The following DST variants were observed in gnomAD, a reference collection of about 807,000 sequenced individuals.
DST encodes the protein dystonin.
Under a neutral mutation model 875.2 loss-of-function variants are expected in DST, and 253 were observed. The observed-to-expected ratio is 0.29, with a 90% CI of 0.26 to 0.32. The LOEUF (loss-of-function observed/expected upper bound fraction) is 0.32. DST is among the 10% of genes least tolerant of loss of function. The probability of loss-of-function intolerance (pLI) is 1.00; values close to 1 mark genes in which losing one functional copy is unlikely to be tolerated. For missense variants in DST, 8,287 were observed against 9,111.6 expected (o/e 0.91, Z 3.68); for synonymous variants, 3,124 against 3,197.1 (o/e 0.98, Z 0.77).
intron 5 of DST, among the ~76,000 whole-genome samples, chr6:56,721,419 A>G (rs552568143): frequency 6.6e-6 from 1 of 152,250 alleles, no homozygotes; most frequent in Non-Finnish European, 1.5e-5. Flanking sequence ...TGGGGAAGTG[A>G]TAAGTGTCCA....
chr6:56,828,830 A>T (rs979571297), intron 4 of DST, among the ~76,000 whole-genome samples: 1 of 152,154 alleles, frequency 6.6e-6, no homozygotes, highest in African/African-American at 2.4e-5. Flanking sequence ...ACTACCCAAG[A>T]GTAGTTCTAT....
rs908085741 is a variant in DST, at chr6:56,804,199, G to A, written c.625+47198C>T. On this transcript the variant is annotated intron_variant, in intron 4 of 103. Transcript: ENST00000680361. ...CTCCAACCACAATTAGATTTTTACC[G>A]TAAGGATTGAATGCATGGTAATCAG... is the stretch of plus-strand genomic sequence containing the variant. Among the ~76,000 whole-genome samples the A allele has an allele frequency of 3.9e-4, 59 of 152,094 alleles. 1 individual carries two copies. Among genetic ancestry groups the A allele is most frequent in the Non-Finnish European group, 2.9e-5 (2 of 68,016 alleles).
rs900075798 is a variant in DST at position 56,593,969 on chromosome 6, A to G, written c.12420T>C (p.Asp4140=). The change falls in exon 48 of 104, where the codon GAT becomes GAC. Residue 4140 remains aspartate, a synonymous_variant. Transcript: ENST00000680361. ...AGTGCTCAAACTCGGTATAGTCAGC[A>G]TCAAACTTTTCTAATTCTTCCTGCA... ...HSLQEELEKF[D]ADYTEFEHWL... is the part of the protein sequence containing the mutation. 5.0e-6 allele frequency: 8 copies of G among 1,613,832 alleles called. No homozygotes were observed. Among genetic ancestry groups the G allele is most frequent in the Non-Finnish European group, 6.8e-6 (8 of 1,179,888 alleles).
intron 80 of DST, among the ~76,000 whole-genome samples, chr6:56,499,868 T>C (rs931836251): frequency 2.0e-5 from 3 of 152,148 alleles, no homozygotes; most frequent in African/African-American, 7.2e-5. Flanking sequence ...ACATATTTTG[T>C]TGCTAGGCAG....
chr6:56,580,849 G>A (rs1271067505), intron 49 of DST, among the ~76,000 whole-genome samples: 1 of 147,806 alleles, frequency 6.8e-6, no homozygotes, highest in Non-Finnish European at 1.5e-5. Context: ...CCTCCCACCT[G>A]AGCCTCCCAA....
chr6:56,744,762 T>C (rs906064937), intron 4 of DST, among the ~76,000 whole-genome samples: 1 of 152,154 alleles, frequency 6.6e-6, no homozygotes, highest in African/African-American at 2.4e-5. Context: ...CTCACTTGCC[T>C]ACCTGATTTG....
chr6:56,627,655 T>C (rs556180200), intron 33 of DST, among the ~76,000 whole-genome samples: 2 of 152,308 alleles, frequency 1.3e-5, no homozygotes, highest in South Asian at 2.1e-4. Context: ...TAATTTTCCA[T>C]TGCTAACCAT....
At chr6:56,523,591 A>G (rs2096744843) in intron 69 of DST, among the ~76,000 whole-genome samples, 1 of 152,134 alleles carries the variant, frequency 6.6e-6, no homozygotes, top group Admixed American at 6.6e-5. Context: ...GTTAAATTTC[A>G]AAAAGCAGGT....
chr6:56,470,455 CTTAAT>C (rs369368050), intron 95 of DST, among the ~76,000 whole-genome samples, 173 bp from the exon 96 acceptor site: 15 of 152,020 alleles, frequency 9.9e-5, no homozygotes, highest in African/African-American at 3.6e-4. Context: ...TATATATAAT[CTTAAT>C]TTATCTTTAA....
Position 56,631,864 on chromosome 6 carries a change from A to G in DST, c.3963+19T>C, listed in dbSNP as rs938720223. The G allele has an allele frequency of 6.2e-7, 1 of 1,612,892 alleles. No homozygotes were observed. ...ATTAAGAGAGTTAGTTTTTTTCCCAACATATTTATAGCTCTCACCTCCTGT... is the reference window on the plus strand; with the variant it reads ...ATTAAGAGAGTTAGTTTTTTTCCCAGCATATTTATAGCTCTCACCTCCTGT... On this transcript the variant is annotated intron_variant, in intron 29 of 103. Coordinates refer to ENST00000680361, the MANE Select transcript of DST (RefSeq NM_001374736.1).
intron 4 of DST, among the ~76,000 whole-genome samples, chr6:56,775,268 T>C (rs551249325): frequency 1.3e-5 from 2 of 152,124 alleles, no homozygotes; most frequent in Non-Finnish European, 1.5e-5. Context: ...CCTAACAGTC[T>C]CCGTTAAACC....
chr6:56,749,128 C>T (rs944039495), intron 4 of DST, among the ~76,000 whole-genome samples: 1 of 151,940 alleles, frequency 6.6e-6, no homozygotes, highest in South Asian at 2.1e-4. Context: ...GCATTTTGGG[C>T]GGGCAGATCA....
At chr6:56,884,786 T>C (rs757714557) in intron 3 of DST, among the ~76,000 whole-genome samples, 1 of 152,118 alleles carries the variant, frequency 6.6e-6, no homozygotes, top group African/African-American at 2.4e-5. Context: ...TGGAGTGCAA[T>C]GGCGCGATCT....
intron 62 of DST, among the ~76,000 whole-genome samples, 194 bp from the exon 63 acceptor site, chr6:56,535,486 C>T (rs966810115): frequency 3.9e-5 from 6 of 152,136 alleles, no homozygotes; most frequent in Non-Finnish European, 8.8e-5. Flanking sequence ...AGCAAGTAGG[C>T]ATGAAAATAA....
intron 10 of DST, among the ~76,000 whole-genome samples, chr6:56,669,985 T>C (rs1243946824): frequency 6.6e-6 from 1 of 152,170 alleles, no homozygotes; most frequent in Non-Finnish European, 1.5e-5. Flanking sequence ...CTAGGAGATA[T>C]GAACTGGAAA....
intron 69 of DST, among the ~76,000 whole-genome samples, chr6:56,522,924 G>A (rs1363371902): frequency 6.6e-6 from 1 of 152,098 alleles, no homozygotes; most frequent in Non-Finnish European, 1.5e-5. Context: ...AAGTAAAAGT[G>A]CCTTTCTCCA....
intron 102 of DST, 195 bp from the exon 103 acceptor site, chr6:56,460,449 G>A: frequency 2.0e-6 from 1 of 495,434 alleles, no homozygotes; most frequent in South Asian, 4.4e-5. Context: ...TTCTCTCTCA[G>A]AATTCAAAGA....
chr6:56,520,302 G>A (rs1426837641), intron 69 of DST, among the ~76,000 whole-genome samples: 3 of 152,134 alleles, frequency 2.0e-5, no homozygotes, highest in African/African-American at 7.2e-5. Context: ...GTCCCAGAAG[G>A]AGAAGAGAAA....
intron 72 of DST, 109 bp downstream of exon 72, chr6:56,515,341 T>C (rs2096568559): frequency 1.6e-6 from 2 of 1,242,974 alleles, no homozygotes; most frequent in Non-Finnish European, 2.2e-6. Context: ...GAACACGGTA[T>C]TCTAAAATGC....
Sources: allele counts gnomAD v4.1 joint callset (sites outside exome capture counted in the v4.1 genomes callset), GRCh38; gene constraint gnomAD v4.1.1; transcripts MANE v1.5; gene names NCBI Gene and HGNC (gene_info 2026-07-23, HGNC 2026-07-21).